The following DAPK1 variants were observed in gnomAD, a reference collection of about 807,000 sequenced individuals.
The protein encoded by DAPK1 is death associated protein kinase 1, also known as death-associated protein kinase 1.
In DAPK1, 56 loss-of-function variants were observed where a neutral mutation model predicts 144.9. The observed-to-expected ratio is 0.39, with a 90% confidence interval of 0.31 to 0.48. The LOEUF (loss-of-function observed/expected upper bound fraction) is 0.48. DAPK1 is among the 20% of genes least tolerant of loss of function. DAPK1 has a pLI of 0.95. For missense variants in DAPK1, 1,454 were observed against 1,875.4 expected, an observed-to-expected ratio of 0.78 and a Z score of 4.15; for synonymous variants, 690 against 749.0, an observed-to-expected ratio of 0.92 and a Z score of 1.29.
chr9:87,565,975 T>C (rs1434703844), intron 2 of DAPK1, among the ~76,000 whole-genome samples: 1 of 151,660 alleles, frequency 6.6e-6, no homozygotes, highest in East Asian at 1.9e-4. Context: ...CAGCATTTAG[T>C]GGCAGTGCTG....
intron 3 of DAPK1, among the ~76,000 whole-genome samples, chr9:87,629,769 G>A (rs1450153360): frequency 6.6e-6 from 1 of 152,132 alleles, no homozygotes; most frequent in African/African-American, 2.4e-5. Flanking sequence ...TCCAAAGATG[G>A]CTTCAGTGTT....
At chr9:87,631,804 A>C (rs960960007) in intron 3 of DAPK1, among the ~76,000 whole-genome samples, 15 of 152,254 alleles carry the variant, frequency 9.9e-5, no homozygotes, top group African/African-American at 3.1e-4. Context: ...CTACCTTCAG[A>C]GATTTGGGGG....
At chr9:87,655,688 C>T (rs1172099974) in intron 17 of DAPK1, among the ~76,000 whole-genome samples, 1 of 152,222 alleles carries the variant, frequency 6.6e-6, no homozygotes, top group Non-Finnish European at 1.5e-5. Context: ...TGCATTCTTC[C>T]TCCTTCTCAT....
At chr9:87,513,047 A>G (rs539780186) in intron 2 of DAPK1, among the ~76,000 whole-genome samples, 60 of 152,362 alleles carry the variant, frequency 3.9e-4, no homozygotes, top group African/African-American at 1.2e-3. Context: ...AAAATCTGAA[A>G]AGGAAAATAC....
chr9:87,634,112 T>G (rs570105184), intron 3 of DAPK1, among the ~76,000 whole-genome samples: 55 of 152,354 alleles, frequency 3.6e-4, no homozygotes, highest in South Asian at 6.2e-4. Flanking sequence ...AACTAAAGTT[T>G]TATTGGAACA....
At chr9:87,676,709 G>C (rs1377720553) in intron 19 of DAPK1, among the ~76,000 whole-genome samples, 1 of 152,226 alleles carries the variant, frequency 6.6e-6, no homozygotes, top group South Asian at 2.1e-4. Flanking sequence ...TGGAGGGGAA[G>C]GGGGTGCACC....
Position 87,706,767 on chromosome 9 carries a change from C to T in DAPK1, c.3696C>T (p.Thr1232=), listed in dbSNP as rs777053233. 8.7e-6 allele frequency: 14 copies of T among 1,613,360 alleles called. No individual in the cohort carries two copies. The highest frequency in any genetic ancestry group is 3.3e-5 in the Admixed American group (2 of 59,990). ...VMATTLPGLL[T]VKHYLSPQQL... ...CCACCACGCTGCCAGGGCTCCTGACCGTGAAGCATTACCTGAGCCCCCAGC... is the reference window on the plus strand; with the variant it reads ...CCACCACGCTGCCAGGGCTCCTGACTGTGAAGCATTACCTGAGCCCCCAGC... Residue 1232 remains threonine (T), a synonymous_variant, in exon 26 of 26, where the codon ACC becomes ACT. Coordinates refer to ENST00000408954, the MANE Select transcript of DAPK1 (RefSeq NM_004938.4). This position sits in a 1 kb window ranked among gnomAD's most constrained non-coding sequence, Gnocchi z 9.0.
chr9:87,653,818 T>C (rs1830540875), intron 17 of DAPK1, among the ~76,000 whole-genome samples: 1 of 152,086 alleles, frequency 6.6e-6, no homozygotes, highest in Non-Finnish European at 1.5e-5. Flanking sequence ...CTCAGCCTCC[T>C]GAGTAGCTGG....
chr9:87,621,736 T>TC (rs566798044), intron 3 of DAPK1, among the ~76,000 whole-genome samples: 120 of 152,282 alleles, frequency 7.9e-4, no homozygotes, highest in African/African-American at 2.9e-3. Flanking sequence ...TGGGCTTTTT[T>TC]CTCTCATGCT....
chr9:87,640,097 A>G (rs533512688), intron 7 of DAPK1, among the ~76,000 whole-genome samples: 4 of 152,352 alleles, frequency 2.6e-5, no homozygotes, highest in East Asian at 3.9e-4. Flanking sequence ...ACGCTGTTCC[A>G]GATTAACTTG....
At chr9:87,513,251 G>A (rs1321728232) in intron 2 of DAPK1, among the ~76,000 whole-genome samples, 1 of 152,178 alleles carries the variant, frequency 6.6e-6, no homozygotes, top group Non-Finnish European at 1.5e-5. Flanking sequence ...TGCAGTGTTG[G>A]GCAGGGCCCT....
chr9:87,681,328 C>A, intron 19 of DAPK1, 76 bp from the exon 20 acceptor site: 1 of 812,286 alleles, frequency 1.2e-6, no homozygotes, highest in Admixed American at 2.1e-5. Flanking sequence ...AACTGCACAC[C>A]GGGGATTAGG....
At chr9:87,531,067 CTAATTCCTTCTCTGGAGTGA>C (rs1187582388) in intron 2 of DAPK1, among the ~76,000 whole-genome samples, 1 of 152,202 alleles carries the variant, frequency 6.6e-6, no homozygotes, top group Non-Finnish European at 1.5e-5. Flanking sequence ...AAGTATCTAT[CTAATTCCTTCTCTGGAGTGA>C]GAAGGGGTTA....
At chr9:87,508,964 C>T (rs1334822865) in intron 2 of DAPK1, among the ~76,000 whole-genome samples, 5 of 152,176 alleles carry the variant, frequency 3.3e-5, no homozygotes, top group Non-Finnish European at 7.4e-5. Flanking sequence ...TTTCCACCCT[C>T]CTTTGAGAAG....
intron 7 of DAPK1, 130 bp from the exon 8 acceptor site, chr9:87,640,168 A>C (rs1211479352): frequency 7.4e-6 from 7 of 949,014 alleles, no homozygotes; most frequent in Non-Finnish European, 1.1e-5. Context: ...AGCCCTATGA[A>C]ATATAATCAA....
Position 87,698,704 on chromosome 9 carries a change from C to T in DAPK1, c.2660C>T (p.Thr887Ile), listed in dbSNP as rs1225339522. The change falls in exon 23 of 26, where the codon ACC becomes ATC. Residue 887 changes from threonine (T) to isoleucine (I), a missense_variant. By Grantham distance (89) the Thr-to-Ile change is moderately conservative. Around this residue, in one of 2 missense-constraint regions of DAPK1, gnomAD observed 1,025 missense variants for 1,237.9 expected, o/e 0.83. Coordinates refer to ENST00000408954, the MANE Select transcript of DAPK1 (RefSeq NM_004938.4). The part of the protein sequence containing the change: ...KNPLQVVLVA[T>I]HADIMNVPRP... ...CCACTCCAAGTTGTCCTGGTGGCCA[C>T]CCACGCTGACATCATGAATGTTCCT... 1 of 1,596,388 alleles carries T rather than the reference C, an allele frequency of 6.3e-7. No individual in the cohort carries two copies. Among genetic ancestry groups the T allele is most frequent in the Non-Finnish European group, 8.6e-7 (1 of 1,163,834 alleles).
At chr9:87,655,064 GGCAGA>G (rs1354002897) in intron 17 of DAPK1, among the ~76,000 whole-genome samples, 2 of 152,194 alleles carry the variant, frequency 1.3e-5, no homozygotes, top group Non-Finnish European at 2.9e-5. Flanking sequence ...CACTGTCTGT[GGCAGA>G]GCAGCTGTAC....
intron 2 of DAPK1, among the ~76,000 whole-genome samples, chr9:87,578,174 A>C (rs1321032682): frequency 2.0e-5 from 3 of 152,196 alleles, no homozygotes; most frequent in African/African-American, 7.2e-5. Context: ...CATCCCCCGA[A>C]AGATCCCATT....
In DAPK1 at chr9:87,640,360, C is replaced by T; in HGVS notation, c.692C>T (p.Ala231Val). The change falls in exon 8 of 26, where the codon GCT becomes GTT. Residue 231 changes from alanine to valine, a missense_variant. Around this residue, in one of 2 missense-constraint regions of DAPK1, gnomAD observed 429 missense variants for 637.5 expected, o/e 0.67. Coordinates refer to ENST00000408954, the MANE Select transcript of DAPK1 (RefSeq NM_004938.4). Reference sequence around the variant, plus strand: ...CAAGAAACGTTAGCAAATGTATCCGCTGTCAACTACGAATTTGAGGATGAA... The same window carrying T: ...CAAGAAACGTTAGCAAATGTATCCGTTGTCAACTACGAATTTGAGGATGAA... ...TKQETLANVS[A>V]VNYEFEDEYF... 1 of 1,614,214 alleles carries T rather than the reference C, an allele frequency of 6.2e-7. No individual in the cohort carries two copies.
Sources: gnomAD v4.1 joint callset for allele counts (sites outside exome capture counted in the v4.1 genomes callset) on GRCh38, gnomAD v4.1.1 for gene constraint, gnomAD v4.1.1 regional missense constraint, Gnocchi (gnomAD v3.1) non-coding constraint, MANE v1.5 for transcripts, NCBI Gene and HGNC (gene_info 2026-07-23, HGNC 2026-07-21) for gene names.